The following ESYT3 variants were observed in gnomAD, a reference collection of about 807,000 sequenced individuals.
The protein encoded by ESYT3 is extended synaptotagmin-3.
A neutral mutation model predicts 111.5 loss-of-function variants in ESYT3; 101 were observed. That is an observed-to-expected ratio of 0.91 (90% CI 0.77 to 1.07). The LOEUF is 1.07. Among genes scored for constraint, ESYT3 ranks in the 50% least tolerant of loss-of-function variants. ESYT3 has a pLI of 0.00. For synonymous variants in ESYT3, 416 were observed against 446.8 expected (o/e 0.93, Z 0.87); for missense variants, 1,097 against 1,109.4 (o/e 0.99, Z 0.16).
In ESYT3 at chr3:138,460,027, A is replaced by G. The variant is rs754188163; in HGVS notation, c.731A>G (p.Gln244Arg). The stretch of plus-strand genomic sequence containing the variant: ...GGAGCCGTGACTGTGTTCTTCCTTC[A>G]GAAGCCGGTGAGTCCCAAGGACTGC... Reference protein sequence around the residue: ...FVGAVTVFFLQKPHLQINWTG... With the variant: ...FVGAVTVFFLRKPHLQINWTG... The change falls in exon 6 of 23, where the codon CAG (glutamine) becomes CGG (arginine). Residue 244 changes from glutamine (Q) to arginine (R), a missense_variant. Gln to Arg is a conservative substitution (Grantham distance 43, BLOSUM62 1). Coordinates refer to ENST00000389567, the MANE Select transcript of ESYT3 (RefSeq NM_031913.5). The G allele has an allele frequency of 4.3e-6, 7 of 1,614,132 alleles. No homozygotes were observed. Among genetic ancestry groups the G allele is most frequent in the South Asian group, 2.2e-5 (2 of 91,086 alleles).
chr3:138,466,234 T>G (rs1354879453), intron 10 of ESYT3, among the ~76,000 whole-genome samples: 2 of 152,224 alleles, frequency 1.3e-5, no homozygotes, highest in Non-Finnish European at 2.9e-5. Flanking sequence ...TAACACCGCT[T>G]ATCTCAGATG....
At chr3:138,451,798 T>C (rs2031946792) in intron 1 of ESYT3, among the ~76,000 whole-genome samples, 1 of 150,984 alleles carries the variant, frequency 6.6e-6, no homozygotes, top group South Asian at 2.1e-4. Flanking sequence ...CGGTGCCAGC[T>C]CGTTGTCTGT....
At position 138,472,748 on chromosome 3, in the gene ESYT3, G is replaced by A. The variant is rs773993312; in HGVS notation, c.2126G>A (p.Cys709Tyr). 1 of 1,614,160 alleles carries A rather than the reference G, an allele frequency of 6.2e-7. No homozygotes were observed. The change falls in exon 18 of 23, where the codon TGC becomes TAC. Residue 709 changes from cysteine (C) to tyrosine (Y), a missense_variant. Coordinates refer to ENST00000389567, the MANE Select transcript of ESYT3 (RefSeq NM_031913.5). ...ATCAAGTCACCCAGACCCATGAAAT[G>A]CCCTGCCTCCCCATTCGCATGGCCG... The part of the protein sequence containing the change: ...GPIKSPRPMK[C>Y]PASPFAWPPK...
At chr3:138,461,149 G>A (rs1416364660) in intron 7 of ESYT3, among the ~76,000 whole-genome samples, 1 of 152,208 alleles carries the variant, frequency 6.6e-6, no homozygotes, top group African/African-American at 2.4e-5. Flanking sequence ...TGGGTCCCTC[G>A]GAGGACACTC....
intron 4 of ESYT3, among the ~76,000 whole-genome samples, chr3:138,458,052 T>C (rs999489773): frequency 9.2e-5 from 14 of 151,858 alleles, no homozygotes; most frequent in Non-Finnish European, 1.3e-4. Flanking sequence ...GTTCAGGGGG[T>C]TGGGCAAGGA....
chr3:138,446,798 G>A (rs1424229947), intron 1 of ESYT3, among the ~76,000 whole-genome samples: 1 of 152,192 alleles, frequency 6.6e-6, no homozygotes, highest in Non-Finnish European at 1.5e-5. Context: ...GGCCAAGGCA[G>A]GCGGATAGCT....
chr3:138,473,164 G>C, intron 18 of ESYT3: 1 of 1,280,972 alleles, frequency 7.8e-7, no homozygotes, highest in Non-Finnish European at 9.9e-7. Flanking sequence ...GTAGAATTAT[G>C]TAATAAATGG....
intron 20 of ESYT3, among the ~76,000 whole-genome samples, chr3:138,475,125 T>C (rs1341109550): frequency 6.6e-6 from 1 of 152,172 alleles, no homozygotes; most frequent in Non-Finnish European, 1.5e-5. Context: ...GAAAAGGGTA[T>C]GAGGAAGAGA....
At chr3:138,476,076 T>C (rs1289076836) in intron 20 of ESYT3, 147 bp from the exon 21 acceptor site, 1 of 617,710 alleles carries the variant, frequency 1.6e-6, no homozygotes, top group African/African-American at 1.8e-5. Context: ...TAATGATACA[T>C]CGTGAGTAGT....
intron 1 of ESYT3, among the ~76,000 whole-genome samples, chr3:138,449,640 A>G (rs2031795326): frequency 6.6e-6 from 1 of 152,132 alleles, no homozygotes; most frequent in African/African-American, 2.4e-5. Flanking sequence ...GATCAGAACT[A>G]CTCAGCTCCT....
At chr3:138,470,022 C>G in intron 15 of ESYT3, 38 bp from the exon 16 acceptor site, 1 of 1,586,572 alleles carries the variant, frequency 6.3e-7, no homozygotes, top group Non-Finnish European at 8.6e-7. Flanking sequence ...CTCTGCCCAA[C>G]CTAACCCTTC....
chr3:138,451,004 A>T (rs2031888114), intron 1 of ESYT3, among the ~76,000 whole-genome samples: 1 of 152,250 alleles, frequency 6.6e-6, no homozygotes, highest in African/African-American at 2.4e-5. Context: ...TGTTTTGTGC[A>T]GGTACCCTGT....
chr3:138,463,237 G>A (rs2032746543), intron 8 of ESYT3, among the ~76,000 whole-genome samples: 1 of 152,074 alleles, frequency 6.6e-6, no homozygotes, highest in South Asian at 2.1e-4. Context: ...TGGGACTACA[G>A]GGGCACACCA....
chr3:138,470,857 G>A lies in ESYT3; in HGVS notation c.1591-20G>A, dbSNP rs893976099. 2 of 1,613,926 alleles carry A rather than the reference G, an allele frequency of 1.2e-6. No individual in the cohort carries two copies. The highest frequency in any genetic ancestry group is 1.1e-5 in the South Asian group (1 of 91,062). On this transcript the variant is annotated intron_variant, in intron 16 of 22. Coordinates refer to ENST00000389567, the MANE Select transcript of ESYT3 (RefSeq NM_031913.5). ...TGGGGCTTGGTTATCCTCTTGTTTT[G>A]TGACTGGACCACTGCCCAGGTGCTT... is the stretch of plus-strand genomic sequence containing the variant.
At chr3:138,459,795 T>G in intron 5 of ESYT3, 150 bp from the exon 6 acceptor site, 1 of 648,534 alleles carries the variant, frequency 1.5e-6, no homozygotes. Flanking sequence ...GTACGGTTCC[T>G]GCTGTGAGAG....
At chr3:138,448,819 T>C (rs1000891441) in intron 1 of ESYT3, among the ~76,000 whole-genome samples, 9 of 152,186 alleles carry the variant, frequency 5.9e-5, no homozygotes, top group African/African-American at 1.7e-4. Context: ...AGTCTGGCTC[T>C]TGCACCTCGG....
intron 18 of ESYT3, 91 bp downstream of exon 18, chr3:138,472,950 T>C: frequency 6.6e-7 from 1 of 1,520,186 alleles, no homozygotes; most frequent in Non-Finnish European, 8.8e-7. Context: ...TACATTTCTG[T>C]GCAAGTTGTT....
rs771921272 is a variant in ESYT3 at position 138,479,791 on chromosome 3, T to TCTAA, written c.*2940_*2943dup. 6 of 152,242 alleles carry TCTAA rather than the reference T, an allele frequency of 3.9e-5. No individual in the cohort carries two copies. The highest frequency in any genetic ancestry group is 8.8e-5 in the Non-Finnish European group (6 of 68,044). The allele number at this position is 152,242 out of a possible 1,614,324, so 9.4% of individuals were successfully genotyped here. A position where few individuals can be genotyped will look rare whatever the true frequency, so the allele number is the denominator to read the frequency against. ...CAGCCTGGTAGGGAGGCACTTAGTT[T>TCTAA]CTAACTTCCTTTCTTGTTCACTCTC... On this transcript the variant is annotated 3_prime_UTR_variant, in exon 23 of 23. Coordinates refer to ENST00000389567, the MANE Select transcript of ESYT3 (RefSeq NM_031913.5).
At chr3:138,446,261 C>T (rs1576426151) in intron 1 of ESYT3, among the ~76,000 whole-genome samples, 1 of 152,272 alleles carries the variant, frequency 6.6e-6, no homozygotes, top group South Asian at 2.1e-4. Flanking sequence ...GTGAGGTTTT[C>T]TTAGGAGGAG....
Sources: allele counts gnomAD v4.1 joint callset (sites outside exome capture counted in the v4.1 genomes callset), GRCh38; gene constraint gnomAD v4.1.1; transcripts MANE v1.5; gene names NCBI Gene and HGNC (gene_info 2026-07-23, HGNC 2026-07-21).